The following NTM variants were observed in gnomAD, a reference collection of about 807,000 sequenced individuals.
The protein encoded by NTM is IgLON family member 2.
NTM carries 13 observed loss-of-function variants against 42.1 expected under a neutral mutation model. The observed-to-expected ratio is 0.31, with a 90% CI of 0.20 to 0.49. NTM has a LOEUF of 0.49. Ranked by LOEUF, NTM falls within the 20% of genes least tolerant of loss-of-function variation. NTM has a pLI of 0.99. For synonymous variants in NTM, 187 were observed against 179.2 expected, an observed-to-expected ratio of 1.04 and a Z score of -0.35; for missense variants, 373 against 452.8, an observed-to-expected ratio of 0.82 and a Z score of 1.60.
At chr11:131,518,880 T>G (rs1043938629) in intron 1 of NTM, among the ~76,000 whole-genome samples, 5 of 152,220 alleles carry the variant, frequency 3.3e-5, no homozygotes, top group African/African-American at 1.2e-4. Flanking sequence ...CCTTAATAAC[T>G]AATTAGGACA....
chr11:131,705,459 T>A (rs1004330530), intron 1 of NTM, among the ~76,000 whole-genome samples: 1 of 152,164 alleles, frequency 6.6e-6, no homozygotes, highest in African/African-American at 2.4e-5. Flanking sequence ...TAGATTTGCC[T>A]TTCAAGAAAT....
chr11:132,100,316 A>G (rs1023793004), intron 2 of NTM, among the ~76,000 whole-genome samples: 1 of 152,084 alleles, frequency 6.6e-6, no homozygotes, highest in African/African-American at 2.4e-5. Flanking sequence ...TATGCACTGG[A>G]TGTTGTTTTC....
intron 1 of NTM, among the ~76,000 whole-genome samples, chr11:131,714,762 G>A (rs1365367706): frequency 1.3e-5 from 2 of 151,998 alleles, no homozygotes; most frequent in Non-Finnish European, 1.5e-5. Flanking sequence ...TTCCACTCTC[G>A]CCAGCCTTTA....
chr11:131,662,906 T>C (rs1363019979), intron 1 of NTM, among the ~76,000 whole-genome samples: 1 of 152,112 alleles, frequency 6.6e-6, no homozygotes, highest in Non-Finnish European at 1.5e-5. Flanking sequence ...ATAGAGTATA[T>C]GTTAATTTTA....
chr11:132,244,628 C>A (rs182047703), intron 4 of NTM, among the ~76,000 whole-genome samples: 86 of 152,292 alleles, frequency 5.6e-4, no homozygotes, highest in Non-Finnish European at 1.1e-3. Context: ...CTCTTTTCAA[C>A]CTTGCTATTC....
chr11:131,963,532 C>G (rs943977088), intron 2 of NTM, among the ~76,000 whole-genome samples: 1 of 152,170 alleles, frequency 6.6e-6, no homozygotes, highest in Non-Finnish European at 1.5e-5. Flanking sequence ...ATGCAAGACA[C>G]CCATGGAGAA....
At chr11:132,189,400 A>G (rs1386993844) in intron 3 of NTM, among the ~76,000 whole-genome samples, 1 of 152,142 alleles carries the variant, frequency 6.6e-6, no homozygotes, top group Admixed American at 6.5e-5. Flanking sequence ...GCACAGACCT[A>G]TTTTTAATTT....
intron 1 of NTM, among the ~76,000 whole-genome samples, chr11:131,410,349 G>A (rs1946243452): frequency 6.6e-6 from 1 of 151,756 alleles, no homozygotes; most frequent in Non-Finnish European, 1.5e-5. Context: ...AGCCAGGCCT[G>A]GTGGTGCATA....
intron 3 of NTM, among the ~76,000 whole-genome samples, chr11:132,188,983 C>G (rs550345152): frequency 1.3e-5 from 2 of 152,158 alleles, no homozygotes; most frequent in East Asian, 3.9e-4. Flanking sequence ...AGCATAAGAG[C>G]TTAATAAGAA....
At chr11:131,383,103 G>A (rs1942890364) in intron 1 of NTM, among the ~76,000 whole-genome samples, 1 of 151,966 alleles carries the variant, frequency 6.6e-6, no homozygotes, top group Non-Finnish European at 1.5e-5. Context: ...ATTATTTTTC[G>A]ATCCCGATGA....
chr11:132,087,119 A>G (rs1424917051), intron 2 of NTM, among the ~76,000 whole-genome samples: 2 of 152,074 alleles, frequency 1.3e-5, no homozygotes, highest in African/African-American at 2.4e-5. Flanking sequence ...GGGAGAAAAG[A>G]AAAAAACGTC....
At chr11:131,510,828 G>A (rs765349958) in intron 1 of NTM, among the ~76,000 whole-genome samples, 4 of 152,062 alleles carry the variant, frequency 2.6e-5, no homozygotes, top group Non-Finnish European at 2.9e-5. Flanking sequence ...TGCAGAGCTC[G>A]GCCTTCTGCC....
chr11:132,071,195 C>T (rs2057596708), intron 2 of NTM, among the ~76,000 whole-genome samples: 1 of 139,884 alleles, frequency 7.1e-6, no homozygotes, highest in Non-Finnish European at 1.6e-5. Flanking sequence ...CGTCACACAG[C>T]CAAGTTAACA....
chr11:131,962,916 G>A (rs932033463), intron 2 of NTM, among the ~76,000 whole-genome samples: 4 of 152,136 alleles, frequency 2.6e-5, no homozygotes, highest in African/African-American at 9.7e-5. Context: ...TCATTAATAG[G>A]TCGGATAGTG....
intron 2 of NTM, among the ~76,000 whole-genome samples, chr11:131,957,943 C>G (rs2061729564): frequency 6.6e-6 from 1 of 151,856 alleles, no homozygotes; most frequent in South Asian, 2.1e-4. Context: ...GCTTAAAGAT[C>G]CTAGAAATGT....
intron 1 of NTM, among the ~76,000 whole-genome samples, chr11:131,870,048 TG>T (rs2047618700): frequency 6.6e-6 from 1 of 152,214 alleles, no homozygotes; most frequent in Non-Finnish European, 1.5e-5. Context: ...ACTTGATGAA[TG>T]GCCCTCACCT....
intron 2 of NTM, among the ~76,000 whole-genome samples, chr11:132,086,721 C>T (rs2059763398): frequency 6.6e-6 from 1 of 152,176 alleles, no homozygotes; most frequent in Non-Finnish European, 1.5e-5. Flanking sequence ...CCTTATCATT[C>T]CTTTTACTGG....
chr11:132,174,965 A>G (rs1566379835), intron 3 of NTM, among the ~76,000 whole-genome samples: 2 of 151,998 alleles, frequency 1.3e-5, no homozygotes, highest in African/African-American at 4.8e-5. Flanking sequence ...ACAAGACTTC[A>G]TATTTATCTG....
At chr11:131,640,384 C>T (rs1189249788) in intron 1 of NTM, among the ~76,000 whole-genome samples, 1 of 152,192 alleles carries the variant, frequency 6.6e-6, no homozygotes, top group Non-Finnish European at 1.5e-5. Context: ...AGCCTTTGTT[C>T]GTTCTTACCT....
Sources: gnomAD v4.1 joint callset for allele counts (sites outside exome capture counted in the v4.1 genomes callset) on GRCh38, gnomAD v4.1.1 for gene constraint, MANE v1.5 for transcripts, NCBI Gene and HGNC (gene_info 2026-07-23, HGNC 2026-07-21) for gene names.